The following KIF25 variants were observed in gnomAD, a reference collection of about 807,000 sequenced individuals.
KIF25 encodes the protein kinesin-like protein KIF25.
A neutral mutation model predicts 32.9 loss-of-function variants in KIF25; 19 were observed. That is an observed-to-expected ratio of 0.58 (90% CI 0.40 to 0.85). The LOEUF (loss-of-function observed/expected upper bound fraction) is 0.85. Among genes scored for constraint, KIF25 ranks in the 40% least tolerant of loss-of-function variants. The pLI, the probability that KIF25 is intolerant of heterozygous loss-of-function variation, is 0.00. For synonymous variants in KIF25, 225 were observed against 213.7 expected (o/e 1.05, Z -0.46); for missense variants, 485 against 507.0 (o/e 0.96, Z 0.42).
chr6:168,044,904 G>T lies in KIF25; in HGVS notation c.1063G>T (p.Gly355Cys). 6.2e-7 allele frequency: 1 copy of T among 1,613,182 alleles called. No individual in the cohort carries two copies. Among genetic ancestry groups the T allele is most frequent in the Non-Finnish European group, 8.5e-7 (1 of 1,179,372 alleles). ...CCTGGCACAGACGTTGCAGGGCCTG[G>T]GTTTCGGGATCCGAGCTCGGCAAGT... ...RHLAQTLQGLGFGIRARQVQR... is the reference protein window; with the variant it reads ...RHLAQTLQGLCFGIRARQVQR... Residue 355 changes from glycine (G) to cysteine (C), a missense_variant, in exon 13 of 13, where the codon GGT (glycine) becomes TGT (cysteine). Gly to Cys is a radical substitution (Grantham distance 159). Coordinates refer to ENST00000643607, the MANE Select transcript of KIF25 (RefSeq NM_030615.4).
At chr6:168,019,682 A>G (rs1473947319) in intron 5 of KIF25, among the ~76,000 whole-genome samples, 1 of 152,116 alleles carries the variant, frequency 6.6e-6, no homozygotes, top group Non-Finnish European at 1.5e-5. Flanking sequence ...TGAAAATGTC[A>G]ATTTTGTTAT....
chr6:168,007,807 G>A (rs2114870260), intron 4 of KIF25, among the ~76,000 whole-genome samples: 1 of 152,296 alleles, frequency 6.6e-6, no homozygotes, highest in Middle Eastern at 3.4e-3. Context: ...TTAGGAAGCT[G>A]TCAGGCAGCC....
At chr6:168,031,839 T>TA (rs1209339478) in intron 7 of KIF25, among the ~76,000 whole-genome samples, 1 of 152,194 alleles carries the variant, frequency 6.6e-6, no homozygotes, top group African/African-American at 2.4e-5. Context: ...TCAAACCCTG[T>TA]AAAATATTGG....
At chr6:168,023,678 G>C (rs905150877) in intron 5 of KIF25, among the ~76,000 whole-genome samples, 3 of 152,208 alleles carry the variant, frequency 2.0e-5, no homozygotes, top group Admixed American at 6.5e-5. Flanking sequence ...TAGGATTAAA[G>C]GCGTGAGCCA....
In KIF25 at chr6:168,044,935, G is replaced by C; in HGVS notation, c.1094G>C (p.Arg365Pro). ...GGGATCCGAGCTCGGCAAGTCCAGC[G>C]AGGCCCTGCCCGAAAGAAGCCGCCC... ...GFGIRARQVQ[R>P]GPARKKPPSS... Residue 365 changes from arginine (R) to proline (P), a missense_variant, in exon 13 of 13, where the codon CGA becomes CCA. Arg to Pro is a moderately radical substitution (Grantham distance 103). Transcript: ENST00000643607. 1 of 1,612,280 alleles carries C rather than the reference G, an allele frequency of 6.2e-7. No homozygotes were observed. Among genetic ancestry groups the C allele is most frequent in the Non-Finnish European group, 8.5e-7 (1 of 1,178,610 alleles).
At chr6:168,016,895 G>A (rs551981498) in intron 4 of KIF25, among the ~76,000 whole-genome samples, 8 of 152,354 alleles carry the variant, frequency 5.3e-5, no homozygotes, top group East Asian at 3.9e-4. Context: ...CCCAGGCAGC[G>A]CGGGGCTGAG....
At chr6:168,034,189 A>G (rs529420641) in intron 8 of KIF25, among the ~76,000 whole-genome samples, 158 bp downstream of exon 8, 1 of 152,368 alleles carries the variant, frequency 6.6e-6, no homozygotes, top group African/African-American at 2.4e-5. Flanking sequence ...GTGCTTTCAT[A>G]CTTCTGGGCA....
chr6:168,042,906 T>C (rs58330333), intron 12 of KIF25, among the ~76,000 whole-genome samples, 190 bp downstream of exon 12: 15,201 of 152,110 alleles, frequency 0.1, 937 homozygotes, highest in East Asian at 0.23. Flanking sequence ...TTGGCCTGAT[T>C]GTGTGCTTGT....
At chr6:168,028,836 A>T (rs1301215071) in intron 5 of KIF25, among the ~76,000 whole-genome samples, 1 of 152,092 alleles carries the variant, frequency 6.6e-6, no homozygotes, top group Non-Finnish European at 1.5e-5. Context: ...TTCCAGGCAT[A>T]TTTTTGTTGC....
intron 9 of KIF25, among the ~76,000 whole-genome samples, chr6:168,039,175 TA>T (rs1799079786): frequency 6.6e-6 from 1 of 152,072 alleles, no homozygotes; most frequent in Non-Finnish European, 1.5e-5. Context: ...AATGTATCTT[TA>T]AAAAAACCTT....
At chr6:168,033,517 TA>T (rs1199488803) in intron 7 of KIF25, among the ~76,000 whole-genome samples, 1 of 128,682 alleles carries the variant, frequency 7.8e-6, no homozygotes, top group African/African-American at 2.9e-5. Context: ...AAAAAAAAAA[TA>T]GATAGTTACA....
chr6:168,033,888 T>A lies in KIF25; in HGVS notation c.174T>A (p.Asn58Lys), dbSNP rs759012659. 2 of 1,613,346 alleles carry A rather than the reference T, an allele frequency of 1.2e-6. No individual in the cohort carries two copies. Among genetic ancestry groups the A allele is most frequent in the Non-Finnish European group, 1.7e-6 (2 of 1,179,320 alleles). The change falls in exon 8 of 13, where the codon AAT becomes AAA. Residue 58 changes from asparagine (N) to lysine (K), a missense_variant. By Grantham distance (94) the Asn-to-Lys change is moderately conservative (BLOSUM62 0). This residue lies in a region of KIF25 where 480 missense variants were observed against 470.3 expected (regional missense o/e 1.02). Coordinates refer to ENST00000643607, the MANE Select transcript of KIF25 (RefSeq NM_030615.4). ...AATCTGCTCTGAATTTTAGGTACAA[T>A]GTTTGTGTTATGGCGTATGGACAGA... ...PLLTSLLDGYNVCVMAYGQTG... is the reference protein window; with the variant it reads ...PLLTSLLDGYKVCVMAYGQTG...
chr6:168,020,728 A>G (rs187727182), intron 5 of KIF25, among the ~76,000 whole-genome samples: 3 of 152,358 alleles, frequency 2.0e-5, no homozygotes, highest in Admixed American at 2.0e-4. Flanking sequence ...GATATATACA[A>G]TAAGCTAACA....
intron 5 of KIF25, among the ~76,000 whole-genome samples, chr6:168,021,154 T>TA (rs1213981984): frequency 6.6e-6 from 1 of 152,184 alleles, no homozygotes; most frequent in Non-Finnish European, 1.5e-5. Flanking sequence ...AGTTCAGAAA[T>TA]AAACCCACAC....
chr6:168,021,125 C>T (rs994313598), intron 5 of KIF25, among the ~76,000 whole-genome samples: 2 of 152,186 alleles, frequency 1.3e-5, no homozygotes, highest in Non-Finnish European at 2.9e-5. Flanking sequence ...ACAGACACAT[C>T]ATCAATGGAA....
At chr6:168,004,208 A>C (rs1272194460) in intron 4 of KIF25, among the ~76,000 whole-genome samples, 1 of 152,152 alleles carries the variant, frequency 6.6e-6, no homozygotes, top group East Asian at 1.9e-4. Flanking sequence ...CTGGGCCAGG[A>C]AAGGAAGTGG....
intron 8 of KIF25, among the ~76,000 whole-genome samples, chr6:168,035,299 T>C (rs117759935): frequency 0.025 from 3,816 of 151,356 alleles, 70 homozygotes; most frequent in Middle Eastern, 0.048. Flanking sequence ...CCCCCTCAGC[T>C]GGGCTTAGAG....
chr6:168,041,214 G>A (rs561392985), intron 10 of KIF25, among the ~76,000 whole-genome samples: 32 of 152,330 alleles, frequency 2.1e-4, no homozygotes, highest in Non-Finnish European at 3.1e-4. Flanking sequence ...TCTTGCCACC[G>A]TGGCACTTGA....
rs1471065093 is a variant in KIF25, at chr6:167,998,190, A to G, written c.-1279A>G. 1.3e-5 allele frequency: 2 copies of G among 152,024 alleles called. No homozygotes were observed. The highest frequency in any genetic ancestry group is 2.4e-5 in the African/African-American group (1 of 41,368). The allele number at this position is 152,024 out of a possible 1,614,324, so 9.4% of individuals were successfully genotyped here. ...TTTTTTTTTTAATCTGGAGCATGAA[A>G]AAGATAATATGAACCTTCCTAAGAT... On this transcript the variant is annotated 5_prime_UTR_variant, in exon 1 of 13. Transcript: ENST00000643607.
Sources: gnomAD v4.1 joint callset for allele counts (sites outside exome capture counted in the v4.1 genomes callset) on GRCh38, gnomAD v4.1.1 for gene constraint, gnomAD v4.1.1 regional missense constraint, MANE v1.5 for transcripts, NCBI Gene and HGNC (gene_info 2026-07-23, HGNC 2026-07-21) for gene names.